Variants in SRP19 observed in about 807,000 individuals in gnomAD.
SRP19 encodes signal recognition particle 19.
SRP19 carries 11 observed loss-of-function variants against 22.4 expected under a neutral mutation model. The ratio of observed to expected loss-of-function variants is 0.49; its 90% CI spans 0.31 to 0.81. SRP19 has a LOEUF of 0.81. Ranked by LOEUF, SRP19 falls within the 40% of genes least tolerant of loss-of-function variation. The pLI is 0.05. For missense variants in SRP19, 168 were observed against 175.9 expected (o/e 0.96, Z 0.25); for synonymous variants, 61 against 57.6 (o/e 1.06, Z -0.27).
chr5:112,865,892 T>A (rs1006610060), intron 4 of SRP19, among the ~76,000 whole-genome samples: 16 of 152,074 alleles, frequency 1.1e-4, no homozygotes, highest in African/African-American at 3.9e-4. Flanking sequence ...GCCCCCGGCC[T>A]GATTTTTTTA....
At chr5:112,871,053 C>T (rs1482077342), downstream of SRP19, among the ~76,000 whole-genome samples, 1 of 152,092 alleles carries the variant, frequency 6.6e-6, no homozygotes, top group African/African-American at 2.4e-5. Flanking sequence ...GGGGTTTCAC[C>T]ATGTTGGCCA....
intron 1 of SRP19, 130 bp downstream of exon 1, chr5:112,861,547 CG>C (rs1767399652): frequency 1.1e-6 from 1 of 940,720 alleles, no homozygotes; most frequent in Admixed American, 2.7e-5. Context: ...GTACGGGCCC[CG>C]CGCCTCTCCC....
intron 4 of SRP19, chr5:112,878,759 G>C (rs761628216): frequency 2.5e-6 from 4 of 1,614,020 alleles, no homozygotes; most frequent in South Asian, 1.1e-5. Flanking sequence ...GGTACAGAGA[G>C]GGCAGGAAGT....
rs145563596 is a variant in SRP19, at chr5:112,865,657, G to A, written c.301+925G>A. 7.3e-3 allele frequency among the ~76,000 whole-genome samples: 1,097 copies of A among 151,098 alleles called. 34 individuals are homozygous for A. Among genetic ancestry groups the A allele is most frequent in the Admixed American group, 0.059 (900 of 15,206 alleles). On this transcript the variant is annotated intron_variant, in intron 4 of 4. Transcript: ENST00000505459. ...CGCTCTGGCTGGAGTACAGTGGCGC[G>A]ATCTCAGCTCACTGCAACCTCCGAC... is the stretch of plus-strand genomic sequence containing the variant.
intron 4 of SRP19, among the ~76,000 whole-genome samples, chr5:112,888,905 G>A (rs1000346703): frequency 6.6e-6 from 1 of 150,802 alleles, no homozygotes; most frequent in African/African-American, 2.5e-5. Context: ...GGAAAGGACA[G>A]GGTGAGAGAT....
chr5:112,874,018 T>C (rs1767840051), downstream of SRP19, among the ~76,000 whole-genome samples: 2 of 151,780 alleles, frequency 1.3e-5, no homozygotes, highest in South Asian at 2.1e-4. Flanking sequence ...AATAAAAAAT[T>C]AGATGTGCCT....
chr5:112,875,198 G>A (rs1230540210), intron 4 of SRP19, among the ~76,000 whole-genome samples: 1 of 152,154 alleles, frequency 6.6e-6, no homozygotes, highest in Non-Finnish European at 1.5e-5. Flanking sequence ...CCTCAAATAT[G>A]TTTACTTTCC....
intron 4 of SRP19, chr5:112,887,280 CCT>C: frequency 1.7e-6 from 2 of 1,163,894 alleles, no homozygotes; most frequent in Non-Finnish European, 2.2e-6. Flanking sequence ...ATGGGAGATG[CCT>C]CTGTTATTTT....
chr5:112,870,475 CA>C (rs375704872), downstream of SRP19, among the ~76,000 whole-genome samples: 36 of 141,046 alleles, frequency 2.6e-4, no homozygotes, highest in African/African-American at 6.5e-4. Context: ...GACCCTGTCT[CA>C]AAAAAAAAAA....
exon 5 of SRP19, chr5:112,891,992 A>C (rs778241711): frequency 7.9e-7 from 1 of 1,261,388 alleles, no homozygotes; most frequent in African/African-American, 1.5e-5. Flanking sequence ...CAATGGAAAG[A>C]ACAGCAGAGG....
chr5:112,886,932 A>G, intron 4 of SRP19: 1 of 1,056,618 alleles, frequency 9.5e-7, no homozygotes, highest in Non-Finnish European at 1.4e-6. Flanking sequence ...GTGATAAGAC[A>G]AGAAGGCCAG....
At chr5:112,898,222 GC>G (rs1252247248) in exon 4 of SRP19, 1 of 152,192 alleles carries the variant, frequency 6.6e-6, no homozygotes, top group African/African-American at 2.4e-5. Flanking sequence ...CAATTCAGAG[GC>G]CTCTTCTCAG....
rs1481846321 is a variant in SRP19 at position 112,890,616 on chromosome 5, G to A, written c.302-987G>A. ...TGGTCTCGAACTCCTGACCTCAAGTGATCCACCCATCTCAGCCTCCTAAAG... is the reference window on the plus strand; with the variant it reads ...TGGTCTCGAACTCCTGACCTCAAGTAATCCACCCATCTCAGCCTCCTAAAG... On this transcript the variant is annotated intron_variant, in intron 4 of 4. Coordinates refer to the SRP19 transcript ENST00000391338. Among the ~76,000 whole-genome samples the A allele has an allele frequency of 2.0e-5, 3 of 150,446 alleles. 1 individual carries two copies. Among genetic ancestry groups the A allele is most frequent in the African/African-American group, 7.4e-5 (3 of 40,316 alleles).
intron 4 of SRP19, chr5:112,887,125 T>C (rs1257877619): frequency 1.2e-6 from 2 of 1,613,464 alleles, no homozygotes; most frequent in African/African-American, 2.7e-5. Flanking sequence ...GATGCGCTTG[T>C]AGAGCAGTTC....
intron 4 of SRP19, chr5:112,887,161 A>G: frequency 2.5e-6 from 4 of 1,606,110 alleles, no homozygotes; most frequent in Non-Finnish European, 2.6e-6. Context: ...GCTCGGGGCC[A>G]TGCACCACAA....
At chr5:112,884,304 T>C (rs1768164971) in intron 4 of SRP19, among the ~76,000 whole-genome samples, 2 of 152,154 alleles carry the variant, frequency 1.3e-5, no homozygotes, top group Admixed American at 1.3e-4. Flanking sequence ...ATCACTTCTT[T>C]TGTTGCTCCC....
At chr5:112,864,580 C>G (rs377663477) in intron 3 of SRP19, 41 bp from the exon 4 acceptor site, 13 of 1,611,436 alleles carry the variant, frequency 8.1e-6, no homozygotes, top group Non-Finnish European at 1.1e-5. Flanking sequence ...GATGTAATAA[C>G]TTTCTTAAGT....
At chr5:112,878,975 TGTGGTCTGGGCTAAGAGGGTTTCCA>T in intron 4 of SRP19, 2 of 1,363,336 alleles carry the variant, frequency 1.5e-6, no homozygotes, top group East Asian at 4.8e-5. Context: ...TGTTGGGGTT[TGTGGTCTGGGCTAAGAGGGTTTCCA>T]GGAAATGGAG....
At chr5:112,866,001 C>A (rs1340960532) in intron 4 of SRP19, among the ~76,000 whole-genome samples, 2 of 152,126 alleles carry the variant, frequency 1.3e-5, no homozygotes, top group Admixed American at 1.3e-4. Context: ...AGATTACAGG[C>A]GTTTGCCACC....
Sources: allele counts gnomAD v4.1 joint callset (sites outside exome capture counted in the v4.1 genomes callset), GRCh38; gene constraint gnomAD v4.1.1; transcripts MANE v1.5; gene names NCBI Gene and HGNC (gene_info 2026-07-23, HGNC 2026-07-21).